GOLIM4: variants seen among roughly 807,000 people sequenced by gnomAD.
GOLIM4 encodes the protein 130 kDa golgi-localized phosphoprotein.
In GOLIM4, 71 loss-of-function variants were observed where a neutral mutation model predicts 107.4. The ratio of observed to expected loss-of-function variants is 0.66; its 90% confidence interval spans 0.55 to 0.81. The LOEUF (loss-of-function observed/expected upper bound fraction) is 0.81. Ranked by LOEUF, GOLIM4 falls within the 30% of genes least tolerant of loss-of-function variation. GOLIM4 has a pLI of 0.00. For synonymous variants in GOLIM4, 327 were observed against 294.8 expected (o/e 1.11, Z -1.12); for missense variants, 830 against 826.1 (o/e 1.00, Z -0.06).
intron 12 of GOLIM4, among the ~76,000 whole-genome samples, chr3:168,026,279 C>G (rs941481053): frequency 6.6e-6 from 1 of 152,120 alleles, no homozygotes; most frequent in Non-Finnish European, 1.5e-5. Context: ...TTCTTTAGTG[C>G]ACTATCAAAA....
At chr3:168,057,905 T>C (rs900991851) in intron 1 of GOLIM4, among the ~76,000 whole-genome samples, 4 of 152,292 alleles carry the variant, frequency 2.6e-5, no homozygotes, top group African/African-American at 9.6e-5. Context: ...CTTCCACCTT[T>C]CCCTGCCATC....
intron 1 of GOLIM4, among the ~76,000 whole-genome samples, chr3:168,083,205 T>C (rs1721459793): frequency 6.6e-6 from 1 of 152,180 alleles, no homozygotes; most frequent in African/African-American, 2.4e-5. Context: ...TAGGAGTGAA[T>C]GAACAAGTTG....
chr3:168,010,847 T>G, intron 14 of GOLIM4, 24 bp from the exon 15 acceptor site: 1 of 1,481,994 alleles, frequency 6.7e-7, no homozygotes, highest in Non-Finnish European at 9.4e-7. Context: ...CAGATATCAT[T>G]TAAACACTTT....
At chr3:168,085,923 C>A (rs963302481) in intron 1 of GOLIM4, among the ~76,000 whole-genome samples, 1 of 151,896 alleles carries the variant, frequency 6.6e-6, no homozygotes, top group African/African-American at 2.4e-5. Flanking sequence ...TTTCACAGAT[C>A]TACAGATAAA....
At chr3:168,061,275 T>C (rs947036427) in intron 1 of GOLIM4, among the ~76,000 whole-genome samples, 2 of 152,190 alleles carry the variant, frequency 1.3e-5, no homozygotes, top group Non-Finnish European at 2.9e-5. Context: ...AGTGCAGTAC[T>C]ACCATTCTCC....
rs142340864 is a variant in GOLIM4, at chr3:168,032,530, G to A, written c.1166C>T (p.Ala389Val). The A allele has an allele frequency of 6.3e-5, 101 of 1,613,560 alleles. No homozygotes were observed. Among genetic ancestry groups the A allele is most frequent in the South Asian group, 6.0e-4 (55 of 91,040 alleles). Residue 389 changes from alanine (A) to valine (V), a missense_variant, in exon 9 of 16, where the codon GCG becomes GTG. Physicochemically the swap from Ala to Val is moderately conservative, Grantham distance 64. Coordinates refer to ENST00000470487, the MANE Select transcript of GOLIM4 (RefSeq NM_014498.5). ...CGGGTGACTTCATACCTCAGCACGC[G>A]CGTGCCCTTCCAGGAGGTTGGCTGC... ...REAANLLEGH[A>V]RAEVYPSAKP...
chr3:168,052,258 G>A (rs1719689281), intron 1 of GOLIM4, among the ~76,000 whole-genome samples: 5 of 152,090 alleles, frequency 3.3e-5, no homozygotes, highest in Admixed American at 3.3e-4. Flanking sequence ...AAAAGTGCCA[G>A]AGAAAAAAAT....
In GOLIM4 at chr3:168,016,401, G is replaced by T. The variant is rs1445894200; in HGVS notation, c.1861-5578C>A. ...AAAAAGTCAGGAAACAACAGGTGCT[G>T]GAGAGGATGTGGAGAAATAGGAACG... On this transcript the variant is annotated intron_variant, in intron 14 of 15. Transcript: ENST00000470487. Among the ~76,000 whole-genome samples, 26 of 131,204 alleles carry T rather than the reference G, an allele frequency of 2.0e-4. 1 individual carries two copies. The highest frequency in any genetic ancestry group is 3.6e-4 in the Non-Finnish European group (24 of 67,192). The allele number at this position is 131,204 out of a possible 152,430, so 86.1% of individuals were successfully genotyped here.
chr3:168,014,138 G>A (rs879292027), intron 14 of GOLIM4, among the ~76,000 whole-genome samples: 1,566 of 147,876 alleles, frequency 0.011, 21 homozygotes, highest in Non-Finnish European at 0.018. Flanking sequence ...TTGATAGACC[G>A]CTAGCAAGAC....
At chr3:168,024,414 T>C in intron 14 of GOLIM4, 112 bp downstream of exon 14, 1 of 847,484 alleles carries the variant, frequency 1.2e-6, no homozygotes, top group Non-Finnish European at 2.0e-6. Flanking sequence ...GCTTAAATTT[T>C]TCTGAACATT....
chr3:168,021,034 T>C (rs1008394589), intron 14 of GOLIM4, among the ~76,000 whole-genome samples: 1 of 152,238 alleles, frequency 6.6e-6, no homozygotes, highest in Non-Finnish European at 1.5e-5. Context: ...ATGCTTCTTG[T>C]TACTCATTTT....
chr3:168,080,916 C>T (rs901409013), intron 1 of GOLIM4, among the ~76,000 whole-genome samples: 1 of 152,150 alleles, frequency 6.6e-6, no homozygotes, highest in African/African-American at 2.4e-5. Context: ...TTCTTTACTG[C>T]TTTTACCAAG....
intron 3 of GOLIM4, among the ~76,000 whole-genome samples, chr3:168,046,286 TTTTA>T (rs1019363552): frequency 1.3e-4 from 20 of 152,124 alleles, no homozygotes; most frequent in South Asian, 6.2e-4. Context: ...TTTAAAATAT[TTTTA>T]TTTATTTATT....
At chr3:168,035,942 T>C (rs920695185) in intron 8 of GOLIM4, among the ~76,000 whole-genome samples, 5 of 152,108 alleles carry the variant, frequency 3.3e-5, no homozygotes, top group Admixed American at 2.0e-4. Flanking sequence ...TTAATTTTTA[T>C]AAAGAACAAG....
intron 10 of GOLIM4, among the ~76,000 whole-genome samples, chr3:168,029,544 C>G (rs567524341): frequency 2.6e-4 from 40 of 152,130 alleles, no homozygotes; most frequent in African/African-American, 9.6e-4. Flanking sequence ...ATAAAGTTGG[C>G]ACAAAGCCTG....
chr3:168,078,059 A>C (rs868292983), intron 1 of GOLIM4, among the ~76,000 whole-genome samples: 1 of 152,052 alleles, frequency 6.6e-6, no homozygotes, highest in African/African-American at 2.4e-5. Context: ...ACCAGTATGA[A>C]TCTTGAATTT....
chr3:168,075,319 C>T (rs1489557531), intron 1 of GOLIM4, among the ~76,000 whole-genome samples: 8 of 92,678 alleles, frequency 8.6e-5, no homozygotes, highest in South Asian at 3.7e-4. Context: ...TTTTTTGAGA[C>T]GGAGTCTCGC....
intron 11 of GOLIM4, 23 bp downstream of exon 11, chr3:168,029,200 C>G (rs1456741608): frequency 7.0e-7 from 1 of 1,425,158 alleles, no homozygotes; most frequent in Admixed American, 1.7e-5. Context: ...TTAAAACATT[C>G]ATCATCTAGG....
At chr3:168,041,681 C>G (rs1577531035) in intron 5 of GOLIM4, among the ~76,000 whole-genome samples, 1 of 152,166 alleles carries the variant, frequency 6.6e-6, no homozygotes, top group African/African-American at 2.4e-5. Flanking sequence ...TGGTTCAGTA[C>G]TTTAAATGCT....
Sources: allele counts gnomAD v4.1 joint callset (sites outside exome capture counted in the v4.1 genomes callset), GRCh38; gene constraint gnomAD v4.1.1; transcripts MANE v1.5; gene names NCBI Gene and HGNC (gene_info 2026-07-23, HGNC 2026-07-21).